The following PCSK4 variants were observed in gnomAD, a reference collection of about 807,000 sequenced individuals.
The protein encoded by PCSK4 is testicular tissue protein Li 135.
Under a neutral mutation model 80.3 loss-of-function variants are expected in PCSK4, and 64 were observed. The observed-to-expected ratio is 0.80, with a 90% confidence interval of 0.65 to 0.98. PCSK4 has a LOEUF of 0.98. Ranked by LOEUF, PCSK4 falls within the 50% of genes least tolerant of loss-of-function variation. The pLI is 0.00. For synonymous variants in PCSK4, 561 were observed against 487.6 expected (o/e 1.15, Z -1.98); for missense variants, 1,213 against 1,093.6 (o/e 1.11, Z -1.54).
rs911136826 is a variant in PCSK4 at position 1,485,802 on chromosome 19, C to T, written c.1068+1051G>A. Among the ~76,000 whole-genome samples the T allele has an allele frequency of 7.2e-5, 11 of 151,860 alleles. No homozygotes were observed. The South Asian group carries it at 8.3e-4, about 12-fold the overall frequency. Reference sequence around the variant, plus strand: ...AGGAGAATGGTGTGAACCCGGGAGGCGGAGCTTGCAGTGAGCTGAGATCGC... The same window carrying T: ...AGGAGAATGGTGTGAACCCGGGAGGTGGAGCTTGCAGTGAGCTGAGATCGC... On this transcript the variant is annotated intron_variant, in intron 8 of 14. Transcript: ENST00000300954.
chr19:1,484,997 A>G (rs1236030405), intron 8 of PCSK4, among the ~76,000 whole-genome samples: 1 of 151,354 alleles, frequency 6.6e-6, no homozygotes, highest in African/African-American at 2.4e-5. Flanking sequence ...AAAATACAAG[A>G]ATTAGCTGGG....
intron 8 of PCSK4, among the ~76,000 whole-genome samples, chr19:1,484,452 C>T (rs535359473): frequency 1.6e-4 from 24 of 151,400 alleles, no homozygotes; most frequent in Non-Finnish European, 1.9e-4. Context: ...ACACCCACGC[C>T]ACTGCACTCC....
At chr19:1,486,857 T>A in exon 8 of PCSK4, 1 of 1,596,228 alleles carries the variant, frequency 6.3e-7, no homozygotes, top group Non-Finnish European at 8.5e-7. Flanking sequence ...ACTCACGATC[T>A]GGGGGTCGGT....
rs112631650 is a variant in PCSK4, at chr19:1,481,671, C to T, written c.*88G>A. 7,197 of 954,820 alleles carry T rather than the reference C, an allele frequency of 7.5e-3. 363 individuals carry two copies. The African/African-American group carries it at 0.11, about 14-fold the overall frequency. 59.1% of individuals were successfully genotyped at this position (954,820 alleles called of 1,614,324 possible). The stretch of plus-strand genomic sequence containing the variant: ...CAGGCGTCGGGTGCTGGTGCTCGCT[C>T]CTCTGGGGCCAGCCTGGGGAGGCAG... On this transcript the variant is annotated 3_prime_UTR_variant, in exon 15 of 15. Transcript: ENST00000300954.
intron 14 of PCSK4, 59 bp downstream of exon 14, chr19:1,482,294 G>A (rs948357012): frequency 1.2e-5 from 18 of 1,531,458 alleles, no homozygotes; most frequent in South Asian, 2.4e-5. Flanking sequence ...CCACATGCAC[G>A]CTGCCCACGG....
exon 15 of PCSK4, chr19:1,482,101 C>T (rs759970149): frequency 3.5e-5 from 54 of 1,550,436 alleles, no homozygotes; most frequent in South Asian, 2.4e-4. Context: ...GCGCGGGCGC[C>T]GCCGTGTGCC....
Position 1,483,994 on chromosome 19 carries a change from G to A in PCSK4, c.1169+33C>T, listed in dbSNP as rs1011252816. The A allele has an allele frequency of 6.7e-6, 10 of 1,493,438 alleles. No homozygotes were observed. The East Asian group carries it at 1.1e-4, about 16-fold the overall frequency. The allele number at this position is 1,493,438 out of a possible 1,614,324, so 92.5% of individuals were successfully genotyped here. On this transcript the variant is annotated intron_variant, in intron 9 of 14. Transcript: ENST00000300954. The stretch of plus-strand genomic sequence containing the variant: ...GAGCCGCCGGGCCGCGCCTGGGGGC[G>A]AGGGCGGTGGACCGGGCCCCGCAGT...
In PCSK4 at chr19:1,483,024, G is replaced by A. The variant is rs1342966041; in HGVS notation, c.1572-4C>T. ...TTCAGTGCTGACGTCCAAGGGTCTG[G>A]GACAGAAGGGTGGGTGGGGGTGGGG... On this transcript the variant is annotated splice_polypyrimidine_tract_variant and splice_region_variant and intron_variant, in intron 12 of 14. Transcript: ENST00000300954. 2 of 1,356,726 alleles carry A rather than the reference G, an allele frequency of 1.5e-6. No homozygotes were observed. Among genetic ancestry groups the A allele is most frequent in the Admixed American group, 4.2e-5 (2 of 47,940 alleles). The allele number at this position is 1,356,726 out of a possible 1,614,324, so 84.0% of individuals were successfully genotyped here. A position where few individuals can be genotyped will look rare whatever the true frequency, so the allele number is the denominator to read the frequency against.
chr19:1,487,256 A>T, exon 7 of PCSK4: 1 of 1,603,632 alleles, frequency 6.2e-7, no homozygotes, highest in Non-Finnish European at 8.5e-7. Flanking sequence ...CTGCGGCTGC[A>T]GGCTCAGCGA....
At chr19:1,484,761 C>T (rs549368836) in intron 8 of PCSK4, among the ~76,000 whole-genome samples, 1 of 150,726 alleles carries the variant, frequency 6.6e-6, no homozygotes, top group African/African-American at 2.4e-5. Flanking sequence ...TGCAGTGAGC[C>T]AAGATCACAC....
chr19:1,490,452 G>C (rs990306670), upstream of PCSK4: 3 of 549,626 alleles, frequency 5.5e-6, no homozygotes, highest in African/African-American at 2.0e-5. Context: ...AACGCAGAAG[G>C]CTTCGACTCC....
exon 15 of PCSK4, chr19:1,482,044 G>T (rs760031408): frequency 1.3e-6 from 2 of 1,559,360 alleles, no homozygotes; most frequent in African/African-American, 1.4e-5. Context: ...TCGGGGAGCC[G>T]CCGCGGCAGG....
upstream of PCSK4, chr19:1,490,632 C>A: frequency 2.5e-6 from 1 of 407,668 alleles, no homozygotes. Context: ...GTTGCGATAA[C>A]GCGTCCTACC....
At chr19:1,482,390 G>A (rs1411713455) in exon 14 of PCSK4, 38 of 1,572,856 alleles carry the variant, frequency 2.4e-5, no homozygotes, top group East Asian at 4.7e-5. Flanking sequence ...GCACACACGC[G>A]CTGCTGGTCA....
intron 2 of PCSK4, 67 bp downstream of exon 2, chr19:1,489,726 G>C (rs1161085955): frequency 1.3e-6 from 2 of 1,547,462 alleles, no homozygotes; most frequent in African/African-American, 1.4e-5. Flanking sequence ...AACCACAGAA[G>C]ATGGCTGGTG....
At chr19:1,490,338 G>C (rs142886071) in exon 1 of PCSK4, 6 of 1,273,640 alleles carry the variant, frequency 4.7e-6, no homozygotes, top group South Asian at 1.4e-5. Flanking sequence ...CAATCGGGGC[G>C]GGCCGCATGG....
At chr19:1,483,133 G>A (rs2084394227) in intron 12 of PCSK4, 113 bp from the exon 13 acceptor site, 1 of 1,252,432 alleles carries the variant, frequency 8.0e-7, no homozygotes, top group Admixed American at 2.6e-5. Context: ...TGTCCTCTGG[G>A]TGTGGGTGAG....
exon 14 of PCSK4, chr19:1,482,388 G>T: frequency 6.4e-7 from 1 of 1,563,938 alleles, no homozygotes. Flanking sequence ...CTGCACACAC[G>T]CGCTGCTGGT....
At chr19:1,482,464 G>T in exon 14 of PCSK4, 3 of 1,604,700 alleles carry the variant, frequency 1.9e-6, no homozygotes. Flanking sequence ...AGCGTGTAGC[G>T]GTACAACGTC....
Sources: gnomAD v4.1 joint callset for allele counts (sites outside exome capture counted in the v4.1 genomes callset) on GRCh38, gnomAD v4.1.1 for gene constraint, MANE v1.5 for transcripts, NCBI Gene and HGNC (gene_info 2026-07-23, HGNC 2026-07-21) for gene names.